The following SEMA3F variants were observed in gnomAD, a reference collection of about 807,000 sequenced individuals.
SEMA3F encodes the protein semaphorin 3F, also known as semaphorin-3F.
SEMA3F carries 30 observed loss-of-function variants against 98.5 expected under a neutral mutation model. The ratio of observed to expected loss-of-function variants is 0.30; its 90% CI spans 0.23 to 0.41. The LOEUF (loss-of-function observed/expected upper bound fraction) is 0.41, where lower values mean the gene tolerates loss of function less well. SEMA3F is among the 10% of genes least tolerant of loss of function. The probability of loss-of-function intolerance (pLI) is 1.00; values close to 1 mark genes in which losing one functional copy is unlikely to be tolerated. For missense variants in SEMA3F, 866 were observed against 1,119.3 expected (o/e 0.77, Z 3.23); for synonymous variants, 380 against 444.8 (o/e 0.85, Z 1.83).
At position 50,184,764 on chromosome 3, in the gene SEMA3F, A is replaced by G; in HGVS notation, c.1406A>G (p.Asp469Gly). ...APYRLTTIAV[D>G]QVDAADGRYE... is the part of the protein sequence containing the mutation. The stretch of plus-strand genomic sequence containing the variant: ...TACCGCCTTACCACTATTGCCGTGG[A>G]CCAGGTGGATGCAGCCGACGGGCGC... Residue 469 changes from aspartate to glycine, a missense_variant, in exon 13 of 19, where the codon GAC becomes GGC. Physicochemically the swap from Asp to Gly is moderately conservative, Grantham distance 94. Coordinates refer to ENST00000002829, the MANE Select transcript of SEMA3F (RefSeq NM_004186.5). The G allele has an allele frequency of 6.2e-7, 1 of 1,614,082 alleles. No individual in the cohort carries two copies.
chr3:50,171,887 C>T (rs1698624308), intron 2 of SEMA3F, among the ~76,000 whole-genome samples: 1 of 152,182 alleles, frequency 6.6e-6, no homozygotes, highest in Non-Finnish European at 1.5e-5. Context: ...CAGCGGTTGG[C>T]CAAGGTCATC....
chr3:50,182,172 T>C lies in SEMA3F; in HGVS notation c.644-112T>C. 1 of 1,353,336 alleles carries C rather than the reference T, an allele frequency of 7.4e-7. No individual in the cohort carries two copies. Among genetic ancestry groups the C allele is most frequent in the Admixed American group, 1.8e-5 (1 of 56,092 alleles). 83.8% of individuals were successfully genotyped at this position (1,353,336 alleles called of 1,614,324 possible). A position where few individuals can be genotyped will look rare whatever the true frequency, so the allele number is the denominator to read the frequency against. On this transcript the variant is annotated intron_variant, in intron 7 of 18. Coordinates refer to ENST00000002829, the MANE Select transcript of SEMA3F (RefSeq NM_004186.5). The surrounding 1 kb of genome is among the most constrained non-coding windows in gnomAD (Gnocchi z 4.5). The stretch of plus-strand genomic sequence containing the variant: ...CAGCACTCCACTGGAGATAGGATCA[T>C]GCCCCAGGGAGCCTGAGCGGGGAGA...
At chr3:50,183,343 T>G (rs1045042616) in intron 11 of SEMA3F, 77 bp from the exon 12 acceptor site, 7 of 1,603,320 alleles carry the variant, frequency 4.4e-6, no homozygotes, top group African/African-American at 2.7e-5. Context: ...GGTGGCGAGC[T>G]GTGGGGAGGG....
At chr3:50,186,168 G>T in intron 16 of SEMA3F, 113 bp from the exon 17 acceptor site, 1 of 1,449,980 alleles carries the variant, frequency 6.9e-7, no homozygotes. Flanking sequence ...AGTCTTATGG[G>T]TAAGACATCA....
In SEMA3F at chr3:50,158,509, G is replaced by A. The variant is rs1698081200; in HGVS notation, c.-48-1066G>A. ...GCCTCAGCATTGAGCAGCTATGGCAGGGGAGTCCCAGGCCATAGTACTGCC... is the reference window on the plus strand; with the variant it reads ...GCCTCAGCATTGAGCAGCTATGGCAAGGGAGTCCCAGGCCATAGTACTGCC... On this transcript the variant is annotated intron_variant, in intron 1 of 18. Coordinates refer to ENST00000002829, the MANE Select transcript of SEMA3F (RefSeq NM_004186.5). This position sits in a 1 kb window ranked among gnomAD's most constrained non-coding sequence, Gnocchi z 4.8. Among the ~76,000 whole-genome samples the A allele has an allele frequency of 6.6e-6, 1 of 152,240 alleles. No individual in the cohort carries two copies. Among genetic ancestry groups the A allele is most frequent in the African/African-American group, 2.4e-5 (1 of 41,458 alleles).
Position 50,175,196 on chromosome 3 carries a change from T to C in SEMA3F, c.549+8T>C. On this transcript the variant is annotated splice_region_variant and intron_variant, in intron 6 of 18. Transcript: ENST00000002829. Reference sequence around the variant, plus strand: ...CCCACAGCCCCACGCCAGGTGGGCCTCATCCCTCCAGGCCTTTGCCAGGCA... The same window carrying C: ...CCCACAGCCCCACGCCAGGTGGGCCCCATCCCTCCAGGCCTTTGCCAGGCA... 6.4e-7 allele frequency: 1 copy of C among 1,570,882 alleles called. No individual in the cohort carries two copies. The highest frequency in any genetic ancestry group is 8.7e-7 in the Non-Finnish European group (1 of 1,152,132).
chr3:50,162,729 GAC>G (rs1559720257), intron 2 of SEMA3F, among the ~76,000 whole-genome samples: 1 of 152,114 alleles, frequency 6.6e-6, no homozygotes, highest in East Asian at 1.9e-4. Flanking sequence ...GCTACCCCAC[GAC>G]ACACTGCTGC....
In SEMA3F at chr3:50,175,526, A is replaced by G. The variant is rs1559729994; in HGVS notation, c.549+338A>G. On this transcript the variant is annotated intron_variant, in intron 6 of 18. Transcript: ENST00000002829. ...TGGATGTGGGCCTTCCTCACTCAGCACCCAGAGTGGAAAGTGGCACATGAG... is the reference window on the plus strand; with the variant it reads ...TGGATGTGGGCCTTCCTCACTCAGCGCCCAGAGTGGAAAGTGGCACATGAG... Among the ~76,000 whole-genome samples the G allele has an allele frequency of 2.6e-5, 4 of 152,186 alleles. No individual in the cohort carries two copies. The South Asian group carries it at 8.3e-4, about 32-fold the overall frequency.
intron 2 of SEMA3F, among the ~76,000 whole-genome samples, chr3:50,165,955 G>T (rs961255612): frequency 6.6e-6 from 1 of 152,192 alleles, no homozygotes; most frequent in Non-Finnish European, 1.5e-5. Flanking sequence ...TGACGGGCTG[G>T]GCTGACTTCT....
intron 6 of SEMA3F, among the ~76,000 whole-genome samples, chr3:50,176,386 G>T (rs1422143378): frequency 6.6e-6 from 1 of 152,162 alleles, no homozygotes; most frequent in Non-Finnish European, 1.5e-5. Context: ...AAGACAGGCA[G>T]CCACAGCAAA....
At chr3:50,159,511 C>T (rs1026626286) in intron 1 of SEMA3F, 64 bp from the exon 2 acceptor site, 4 of 643,654 alleles carry the variant, frequency 6.2e-6, no homozygotes, top group African/African-American at 5.5e-5. Flanking sequence ...TCTTTGTTCA[C>T]CTTGGGTAGA....
chr3:50,155,102 C>G (rs749991293), upstream of SEMA3F: 6 of 411,812 alleles, frequency 1.5e-5, no homozygotes, highest in South Asian at 2.0e-4. This position sits in a 1 kb window ranked among gnomAD's most constrained non-coding sequence, Gnocchi z 4.9. Flanking sequence ...AGCGAGCGAA[C>G]GAACCGCGGC....
rs1024636895 is a variant in SEMA3F, at chr3:50,156,662, C to T, written c.-49+1098C>T. ...GGCTACCCAAGGGGTGTGCCAGGAC[C>T]CCGTAGGGTATAGTGTCTAGGCAGG... On this transcript the variant is annotated intron_variant, in intron 1 of 18. Coordinates refer to ENST00000002829, the MANE Select transcript of SEMA3F (RefSeq NM_004186.5). This position sits in a 1 kb window ranked among gnomAD's most constrained non-coding sequence, Gnocchi z 4.5. Among the ~76,000 whole-genome samples, 9 of 152,164 alleles carry T rather than the reference C, an allele frequency of 5.9e-5. No individual in the cohort carries two copies. The highest frequency in any genetic ancestry group is 1.2e-4 in the Non-Finnish European group (8 of 68,022).
At chr3:50,176,309 G>C (rs1698806178) in intron 6 of SEMA3F, among the ~76,000 whole-genome samples, 1 of 152,182 alleles carries the variant, frequency 6.6e-6, no homozygotes, top group South Asian at 2.1e-4. Flanking sequence ...TGATGGCAAA[G>C]GACAGGACCC....
intron 2 of SEMA3F, among the ~76,000 whole-genome samples, chr3:50,168,891 G>A (rs1194089351): frequency 6.6e-6 from 1 of 152,202 alleles, no homozygotes; most frequent in East Asian, 1.9e-4. Flanking sequence ...CAAAGACCCA[G>A]GCTGGTGCCT....
At chr3:50,159,481 C>T (rs1044128305) in intron 1 of SEMA3F, 94 bp from the exon 2 acceptor site, 25 of 585,882 alleles carry the variant, frequency 4.3e-5, no homozygotes, top group Admixed American at 3.6e-4. Flanking sequence ...GGGGTGGAAG[C>T]GTGGAGGTAC....
chr3:50,182,589 C>T lies in SEMA3F; in HGVS notation c.764-55C>T. 14 of 1,597,176 alleles carry T rather than the reference C, an allele frequency of 8.8e-6. No individual in the cohort carries two copies. Among genetic ancestry groups the T allele is most frequent in the South Asian group, 1.1e-5 (1 of 89,502 alleles). On this transcript the variant is annotated intron_variant, in intron 8 of 18. Coordinates refer to ENST00000002829, the MANE Select transcript of SEMA3F (RefSeq NM_004186.5). This position sits in a 1 kb window ranked among gnomAD's most constrained non-coding sequence, Gnocchi z 4.5. The stretch of plus-strand genomic sequence containing the variant: ...CCTGGCTGGGGATTCTGTTGGAGAA[C>T]ATCAGGGGCACCATCAGAGTAGGGG...
chr3:50,174,509 T>C (rs968294939), intron 5 of SEMA3F, among the ~76,000 whole-genome samples, 159 bp downstream of exon 5: 3 of 152,238 alleles, frequency 2.0e-5, no homozygotes, highest in Admixed American at 6.5e-5. Context: ...GTTTCTTCAC[T>C]TGAAAATGGG....
At chr3:50,163,484 G>A (rs2109063132) in intron 2 of SEMA3F, among the ~76,000 whole-genome samples, 1 of 152,384 alleles carries the variant, frequency 6.6e-6, no homozygotes, top group Admixed American at 6.5e-5. Flanking sequence ...TTTGCATGTG[G>A]CATCAGAGGA....
Sources: allele counts gnomAD v4.1 joint callset (sites outside exome capture counted in the v4.1 genomes callset), GRCh38; gene constraint gnomAD v4.1.1; non-coding constraint Gnocchi (gnomAD v3.1); transcripts MANE v1.5; gene names NCBI Gene and HGNC (gene_info 2026-07-23, HGNC 2026-07-21).